DNAAF11: variants seen among roughly 807,000 people sequenced by gnomAD.
DNAAF11 encodes leucine rich repeat containing 6.
Under a neutral mutation model 60.8 loss-of-function variants are expected in DNAAF11, and 45 were observed. The ratio of observed to expected loss-of-function variants is 0.74; its 90% confidence interval spans 0.58 to 0.95. The LOEUF is 0.95. Among genes scored for constraint, DNAAF11 ranks in the 40% least tolerant of loss-of-function variants. DNAAF11 has a pLI of 0.00. For synonymous variants in DNAAF11, 191 were observed against 183.5 expected (o/e 1.04, Z -0.33); for missense variants, 546 against 546.2 (o/e 1.00, Z 0.00).
At chr8:132,652,059 T>C (rs534753648) in intron 3 of DNAAF11, among the ~76,000 whole-genome samples, 3 of 152,344 alleles carry the variant, frequency 2.0e-5, no homozygotes, top group Non-Finnish European at 4.4e-5. Context: ...ATTTTTACCC[T>C]AGTAGGCAAA....
intron 5 of DNAAF11, among the ~76,000 whole-genome samples, chr8:132,630,578 T>C (rs768694249): frequency 9.2e-5 from 14 of 152,116 alleles, no homozygotes; most frequent in Non-Finnish European, 1.8e-4. Flanking sequence ...TAAGCACTTA[T>C]AATTAAAGAC....
At chr8:132,613,461 T>C (rs1404984708) in intron 8 of DNAAF11, among the ~76,000 whole-genome samples, 2 of 152,304 alleles carry the variant, frequency 1.3e-5, no homozygotes, top group African/African-American at 2.4e-5. Context: ...TCTATTAATA[T>C]GAAATATCCC....
chr8:132,667,049 G>A (rs1824707210), intron 1 of DNAAF11, among the ~76,000 whole-genome samples: 1 of 152,164 alleles, frequency 6.6e-6, no homozygotes, highest in African/African-American at 2.4e-5. Context: ...CAGCACTGAA[G>A]GAATTGGGAG....
upstream of DNAAF11, among the ~76,000 whole-genome samples, chr8:132,679,302 A>T (rs1187379381): frequency 6.6e-6 from 1 of 152,180 alleles, no homozygotes; most frequent in Non-Finnish European, 1.5e-5. Context: ...GGTGCTCAGT[A>T]AATATTTGTT....
At chr8:132,577,297 G>A (rs189042546) in intron 11 of DNAAF11, among the ~76,000 whole-genome samples, 1 of 152,284 alleles carries the variant, frequency 6.6e-6, no homozygotes, top group Non-Finnish European at 1.5e-5. Flanking sequence ...GGTCTTAACT[G>A]CTAAGCTGCC....
At chr8:132,656,205 G>A (rs901977912) in intron 3 of DNAAF11, among the ~76,000 whole-genome samples, 2 of 152,000 alleles carry the variant, frequency 1.3e-5, no homozygotes, top group East Asian at 1.9e-4. Context: ...GTAATTGTAG[G>A]GAAGAAACTA....
At chr8:132,625,247 C>A in intron 6 of DNAAF11, 25 bp downstream of exon 6, 1 of 1,543,932 alleles carries the variant, frequency 6.5e-7, no homozygotes, top group Non-Finnish European at 8.8e-7. Flanking sequence ...CTACTGCTTC[C>A]CTCTCCTAGG....
chr8:132,652,048 C>T (rs184533920), intron 3 of DNAAF11, among the ~76,000 whole-genome samples: 2 of 152,270 alleles, frequency 1.3e-5, no homozygotes, highest in African/African-American at 4.8e-5. Flanking sequence ...CTGGAATATC[C>T]ATTTTTACCC....
chr8:132,652,842 A>C (rs1322119606), intron 3 of DNAAF11, among the ~76,000 whole-genome samples: 4 of 152,144 alleles, frequency 2.6e-5, no homozygotes, highest in African/African-American at 7.2e-5. Flanking sequence ...CCTAATGTAG[A>C]TGACGGGTTG....
intron 1 of DNAAF11, among the ~76,000 whole-genome samples, chr8:132,666,636 T>C (rs1453250369): frequency 6.6e-6 from 1 of 151,872 alleles, no homozygotes; most frequent in East Asian, 1.9e-4. Flanking sequence ...CACATGACAA[T>C]TAACCAGAAA....
chr8:132,680,098 G>A (rs1235544784), upstream of DNAAF11, among the ~76,000 whole-genome samples: 1 of 152,210 alleles, frequency 6.6e-6, no homozygotes, highest in African/African-American at 2.4e-5. Context: ...GGGGTATGAA[G>A]GACATGTGTA....
intron 3 of DNAAF11, among the ~76,000 whole-genome samples, chr8:132,652,268 G>A (rs1281093054): frequency 1.3e-5 from 2 of 152,164 alleles, no homozygotes; most frequent in Admixed American, 1.3e-4. Flanking sequence ...GGATAGGCAA[G>A]CAGAACCTCA....
At chr8:132,599,143 C>T (rs2129649290) in intron 10 of DNAAF11, among the ~76,000 whole-genome samples, 1 of 152,254 alleles carries the variant, frequency 6.6e-6, no homozygotes, top group Admixed American at 6.5e-5. Flanking sequence ...ATACTATAAA[C>T]ACCTCTACGC....
the DNAAF11 span, among the ~76,000 whole-genome samples, chr8:132,697,990 T>G: frequency 6.6e-6 from 1 of 152,180 alleles, no homozygotes; most frequent in South Asian, 2.1e-4. Context: ...TGTCTTTAAT[T>G]ATCACAACAC....
At chr8:132,644,119 G>T (rs1244747659) in intron 3 of DNAAF11, among the ~76,000 whole-genome samples, 2 of 152,108 alleles carry the variant, frequency 1.3e-5, no homozygotes, top group Non-Finnish European at 2.9e-5. Flanking sequence ...CAGCAAGCCT[G>T]TGACATAAGA....
rs138045216 is a variant in DNAAF11 at position 132,628,179 on chromosome 8, C to T, written c.654-2725G>A. On this transcript the variant is annotated intron_variant, in intron 5 of 11. Coordinates refer to ENST00000620350, the MANE Select transcript of DNAAF11 (RefSeq NM_012472.6). Reference sequence around the variant, plus strand: ...CTGTAATCCCAGCACTTTGGGAGGCCGAGGTGGGCAAATCATGAGGTCAGA... The same window carrying T: ...CTGTAATCCCAGCACTTTGGGAGGCTGAGGTGGGCAAATCATGAGGTCAGA... Among the ~76,000 whole-genome samples, 652 of 152,128 alleles carry T rather than the reference C, an allele frequency of 4.3e-3. 1 individual carries two copies. Among genetic ancestry groups the T allele is most frequent in the African/African-American group, 0.015 (609 of 41,488 alleles).
At chr8:132,675,365 C>A (rs1220392799) in intron 1 of DNAAF11, 119 bp downstream of exon 1, 2 of 1,173,428 alleles carry the variant, frequency 1.7e-6, no homozygotes, top group African/African-American at 3.1e-5. Flanking sequence ...GGGTTAGGGT[C>A]CGCCCAGGCG....
intron 1 of DNAAF11, among the ~76,000 whole-genome samples, chr8:132,668,583 C>T (rs1586745750): frequency 6.6e-6 from 1 of 152,082 alleles, no homozygotes; most frequent in African/African-American, 2.4e-5. Flanking sequence ...GGACTACAGG[C>T]ACCTGCCACC....
the DNAAF11 span, among the ~76,000 whole-genome samples, chr8:132,701,929 T>C: frequency 6.6e-6 from 1 of 152,150 alleles, no homozygotes; most frequent in Non-Finnish European, 1.5e-5. Context: ...CTCATCAACC[T>C]TGCAGCCAAG....
Sources: allele counts gnomAD v4.1 joint callset (sites outside exome capture counted in the v4.1 genomes callset), GRCh38; gene constraint gnomAD v4.1.1; transcripts MANE v1.5; gene names NCBI Gene and HGNC (gene_info 2026-07-23, HGNC 2026-07-21).